BRINP3: variants seen among roughly 807,000 people sequenced by gnomAD.
BRINP3 encodes the protein BMP/retinoic acid-inducible neural-specific protein 3.
BRINP3 carries 19 observed loss-of-function variants against 71.0 expected under a neutral mutation model. The ratio of observed to expected loss-of-function variants is 0.27; its 90% CI spans 0.19 to 0.39. BRINP3 has a LOEUF of 0.39. Ranked by LOEUF, BRINP3 falls within the 10% of genes least tolerant of loss-of-function variation. The pLI, the probability that BRINP3 is intolerant of heterozygous loss-of-function variation, is 1.00. For missense variants in BRINP3, 959 were observed against 940.8 expected, an observed-to-expected ratio of 1.02 and a Z score of -0.25; for synonymous variants, 380 against 337.7, an observed-to-expected ratio of 1.13 and a Z score of -1.37.
chr1:190,294,414 C>T (rs568102101), intron 2 of BRINP3, among the ~76,000 whole-genome samples: 1 of 151,914 alleles, frequency 6.6e-6, no homozygotes, highest in Non-Finnish European at 1.5e-5. Context: ...CATGTGTTAC[C>T]ATGCCTGACT....
intron 6 of BRINP3, among the ~76,000 whole-genome samples, chr1:190,188,046 C>A (rs1653694118): frequency 6.6e-6 from 1 of 151,882 alleles, no homozygotes; most frequent in African/African-American, 2.4e-5. Flanking sequence ...CTGTCTTTCT[C>A]AATTTCTTTT....
chr1:190,327,247 G>A (rs567230939), intron 2 of BRINP3, among the ~76,000 whole-genome samples: 26 of 143,188 alleles, frequency 1.8e-4, no homozygotes, highest in African/African-American at 6.4e-4. Flanking sequence ...CCCAGGAGGC[G>A]GAGGTTGCAG....
chr1:190,275,254 A>G (rs1188000565), intron 3 of BRINP3, among the ~76,000 whole-genome samples: 1 of 151,670 alleles, frequency 6.6e-6, no homozygotes, highest in Non-Finnish European at 1.5e-5. Flanking sequence ...AAGATTTTCT[A>G]AAACATTTTT....
intron 2 of BRINP3, among the ~76,000 whole-genome samples, chr1:190,425,298 G>T (rs1011268889): frequency 1.3e-5 from 2 of 151,648 alleles, no homozygotes; most frequent in African/African-American, 4.8e-5. Context: ...ATCTATACTT[G>T]TACATTGAAA....
At chr1:190,419,224 A>G (rs1673200172) in intron 2 of BRINP3, among the ~76,000 whole-genome samples, 1 of 152,100 alleles carries the variant, frequency 6.6e-6, no homozygotes, top group Non-Finnish European at 1.5e-5. Context: ...CATTTAGAAA[A>G]ATTAATCTAA....
chr1:190,379,211 C>T (rs879605890), intron 2 of BRINP3, among the ~76,000 whole-genome samples: 6 of 151,926 alleles, frequency 3.9e-5, no homozygotes, highest in Admixed American at 3.9e-4. Flanking sequence ...AAAAACAAAA[C>T]AAAAAAACTA....
rs113765378 is a variant in BRINP3, at chr1:190,340,867, A to G, written c.237-59117T>C. 5.1e-3 allele frequency among the ~76,000 whole-genome samples: 775 copies of G among 151,828 alleles called. 7 individuals carry two copies. Among genetic ancestry groups the G allele is most frequent in the African/African-American group, 0.018 (727 of 41,508 alleles). The stretch of plus-strand genomic sequence containing the variant: ...TGGATTCTAATGTAGAGAATACTCT[A>G]TGTGAGCAGATATAAGCAATGAATT... On this transcript the variant is annotated intron_variant, in intron 2 of 7. Transcript: ENST00000367462.
chr1:190,242,400 C>G (rs1021125502), intron 4 of BRINP3, among the ~76,000 whole-genome samples: 1 of 151,828 alleles, frequency 6.6e-6, no homozygotes, highest in Non-Finnish European at 1.5e-5. Context: ...TTTTCTTGGG[C>G]CTTCTCCAAA....
At chr1:190,174,067 T>A (rs1438624449) in intron 6 of BRINP3, among the ~76,000 whole-genome samples, 1 of 152,184 alleles carries the variant, frequency 6.6e-6, no homozygotes, top group Non-Finnish European at 1.5e-5. Flanking sequence ...AGATTTCTCC[T>A]GATACACTTT....
chr1:190,464,558 A>C (rs1341570074), intron 1 of BRINP3, among the ~76,000 whole-genome samples: 1 of 151,940 alleles, frequency 6.6e-6, no homozygotes, highest in East Asian at 1.9e-4. Context: ...AACTTTTTGG[A>C]ACAGGTACTG....
chr1:190,299,573 T>TCCCACCCCCCTCCC (rs1664517786), intron 2 of BRINP3, among the ~76,000 whole-genome samples: 2 of 108,874 alleles, frequency 1.8e-5, no homozygotes, highest in Admixed American at 2.1e-4. Flanking sequence ...CCCAATGCTA[T>TCCCACCCCCCTCCC]CCCACCCCCC....
chr1:190,350,882 G>T (rs1191538712), intron 2 of BRINP3, among the ~76,000 whole-genome samples: 2 of 149,738 alleles, frequency 1.3e-5, no homozygotes, highest in Admixed American at 6.7e-5. Flanking sequence ...GAATGCAATG[G>T]TGCAAACTTG....
chr1:190,105,625 TTTACCC>T, intron 7 of BRINP3, among the ~76,000 whole-genome samples: 1 of 152,134 alleles, frequency 6.6e-6, no homozygotes, highest in Non-Finnish European at 1.5e-5. Context: ...GAGCTAAAGG[TTTACCC>T]CTGGTCTCTA....
At chr1:190,444,607 T>G (rs1675080982) in intron 2 of BRINP3, among the ~76,000 whole-genome samples, 1 of 152,104 alleles carries the variant, frequency 6.6e-6, no homozygotes, top group African/African-American at 2.4e-5. Flanking sequence ...CGAACTCAGC[T>G]CGCTGAAACC....
chr1:190,149,339 G>T (rs1463176024), intron 7 of BRINP3, among the ~76,000 whole-genome samples: 1 of 152,130 alleles, frequency 6.6e-6, no homozygotes. Context: ...TTGTGATTTG[G>T]TCAGCTTCAG....
intron 4 of BRINP3, among the ~76,000 whole-genome samples, chr1:190,264,569 C>T (rs1428245917): frequency 6.6e-6 from 1 of 152,006 alleles, no homozygotes; most frequent in African/African-American, 2.4e-5. Context: ...AATTTGTATT[C>T]ATGTTTATTT....
chr1:190,123,562 T>TATATTAA lies in BRINP3; in HGVS notation c.1185-24429_1185-24428insTTAATAT, dbSNP rs993859189. Among the ~76,000 whole-genome samples, 147 of 152,274 alleles carry TATATTAA rather than the reference T, an allele frequency of 9.7e-4. 1 individual carries two copies. Among genetic ancestry groups the TATATTAA allele is most frequent in the African/African-American group, 2.9e-3 (122 of 41,560 alleles). On this transcript the variant is annotated intron_variant, in intron 7 of 7. Coordinates refer to ENST00000367462, the MANE Select transcript of BRINP3 (RefSeq NM_199051.3). Reference sequence around the variant, plus strand: ...AGTACAACTTATATTAAGTTATACTTGCTATGACTTATATTTAGATAGTAC... The same window carrying TATATTAA: ...AGTACAACTTATATTAAGTTATACTTATATTAAGCTATGACTTATATTTAGATAGTAC...
At chr1:190,346,690 CAACA>C (rs1668044733) in intron 2 of BRINP3, among the ~76,000 whole-genome samples, 1 of 152,012 alleles carries the variant, frequency 6.6e-6, no homozygotes, top group African/African-American at 2.4e-5. Context: ...CTTCTTTTGC[CAACA>C]AACTGCCCCT....
chr1:190,378,795 C>A (rs1379305170), intron 2 of BRINP3, among the ~76,000 whole-genome samples: 1 of 152,114 alleles, frequency 6.6e-6, no homozygotes, highest in African/African-American at 2.4e-5. Context: ...TGCTAGCAGT[C>A]CCATTATAAG....
Sources: gnomAD v4.1 joint callset for allele counts (sites outside exome capture counted in the v4.1 genomes callset) on GRCh38, gnomAD v4.1.1 for gene constraint, MANE v1.5 for transcripts, NCBI Gene and HGNC (gene_info 2026-07-23, HGNC 2026-07-21) for gene names.